Variants in AMZ1 observed in about 807,000 individuals in gnomAD.
The protein encoded by AMZ1 is archaelysin family metallopeptidase 1, also known as archaemetzincin-1.
Under a neutral mutation model 29.9 loss-of-function variants are expected in AMZ1, and 39 were observed. That is an observed-to-expected ratio of 1.30 (90% CI 1.01 to 1.70). The LOEUF (loss-of-function observed/expected upper bound fraction) is 1.70. Ranked by LOEUF, AMZ1 falls within the 40% of genes most tolerant of loss-of-function variation. AMZ1 has a pLI of 0.00. For missense variants in AMZ1, 1,041 were observed against 680.6 expected (o/e 1.53, Z -5.89); for synonymous variants, 458 against 304.0 (o/e 1.51, Z -5.27).
intron 1 of AMZ1, among the ~76,000 whole-genome samples, chr7:2,690,727 C>T (rs1053779615): frequency 6.6e-6 from 1 of 152,144 alleles, no homozygotes; most frequent in Non-Finnish European, 1.5e-5. Context: ...TCGCTGTGGC[C>T]CTTCCTGTTG....
intron 4 of AMZ1, among the ~76,000 whole-genome samples, chr7:2,741,151 G>C (rs147669894): frequency 7.9e-4 from 121 of 152,326 alleles, no homozygotes; most frequent in Non-Finnish European, 1.4e-3. Context: ...GAGCTAGAAA[G>C]AAATTTTACA....
chr7:2,743,890 A>C (rs1790632264), intron 4 of AMZ1, among the ~76,000 whole-genome samples: 1 of 151,810 alleles, frequency 6.6e-6, no homozygotes, highest in Non-Finnish European at 1.5e-5. Context: ...CCTGGCTCGG[A>C]GGGTCCTACA....
chr7:2,708,720 A>G lies in AMZ1; in HGVS notation c.601+4A>G. 2 of 1,612,344 alleles carry G rather than the reference A, an allele frequency of 1.2e-6. No homozygotes were observed. The highest frequency in any genetic ancestry group is 1.1e-5 in the South Asian group (1 of 91,054). On this transcript the variant is annotated splice_donor_region_variant and intron_variant, in intron 4 of 6. Coordinates refer to ENST00000683327, the MANE Select transcript of AMZ1 (RefSeq NM_001384743.1). ...AGCAAGTTCCTTCCAGGGCACGGTG[A>G]GCCGGGGCCCCAGCAGCTGTGCGTG...
chr7:2,684,575 C>G (rs1247128787), upstream of AMZ1, among the ~76,000 whole-genome samples: 2 of 152,220 alleles, frequency 1.3e-5, no homozygotes, highest in East Asian at 3.8e-4. Context: ...ATCACGGCCT[C>G]TTTCTAGAAT....
At chr7:2,744,014 C>T (rs1159255435) in intron 4 of AMZ1, among the ~76,000 whole-genome samples, 1 of 152,244 alleles carries the variant, frequency 6.6e-6, no homozygotes, top group African/African-American at 2.4e-5. Flanking sequence ...GTAAACAAAG[C>T]AGCCGGGAAG....
Position 2,708,841 on chromosome 7 carries a change from G to A in AMZ1, c.601+125G>A. The A allele has an allele frequency of 3.4e-6, 5 of 1,468,074 alleles. No homozygotes were observed. The East Asian group carries it at 9.2e-5, about 27-fold the overall frequency. The allele number at this position is 1,468,074 out of a possible 1,614,324, so 90.9% of individuals were successfully genotyped here. A position where few individuals can be genotyped will look rare whatever the true frequency, so the allele number is the denominator to read the frequency against. ...CCTCCTGGTGGAAGTCAACACCTGT[G>A]CATGGGAATAGATGGCCCCTTCCAG... On this transcript the variant is annotated intron_variant, in intron 4 of 6. Transcript: ENST00000683327.
intron 4 of AMZ1, among the ~76,000 whole-genome samples, chr7:2,751,087 C>A (rs532455328): frequency 6.6e-6 from 1 of 152,140 alleles, no homozygotes; most frequent in African/African-American, 2.4e-5. Context: ...AAATCTGTTG[C>A]TTTACATGCT....
At chr7:2,704,476 CG>C (rs1380274037) in intron 3 of AMZ1, among the ~76,000 whole-genome samples, 5 of 85,316 alleles carry the variant, frequency 5.9e-5, no homozygotes, top group Admixed American at 1.1e-4. Flanking sequence ...GAACAAGACC[CG>C]ATCATTAAAA....
intron 4 of AMZ1, among the ~76,000 whole-genome samples, chr7:2,725,059 G>T (rs1044915540): frequency 1.3e-5 from 2 of 152,230 alleles, no homozygotes; most frequent in Non-Finnish European, 2.9e-5. Context: ...CCAGGACGGG[G>T]TATCTGGAAC....
intron 6 of AMZ1, 119 bp downstream of exon 6, chr7:2,709,935 T>A: frequency 7.3e-7 from 1 of 1,376,864 alleles, no homozygotes; most frequent in Non-Finnish European, 1.0e-6. Flanking sequence ...ACTGCCGGGT[T>A]CCAGGCAGTG....
chr7:2,700,807 T>A (rs1788012120), intron 2 of AMZ1, 52 bp downstream of exon 2: 1 of 1,577,886 alleles, frequency 6.3e-7, no homozygotes, highest in African/African-American at 1.3e-5. Context: ...AGCTTATATA[T>A]AGCACAAGTG....
At chr7:2,690,345 A>G (rs1484266750) in intron 1 of AMZ1, among the ~76,000 whole-genome samples, 3 of 152,188 alleles carry the variant, frequency 2.0e-5, no homozygotes, top group African/African-American at 7.2e-5. Context: ...CAGCCTCCCT[A>G]GTAGCTGGGA....
At chr7:2,722,604 G>C (rs1789469362), downstream of AMZ1, among the ~76,000 whole-genome samples, 1 of 152,240 alleles carries the variant, frequency 6.6e-6, no homozygotes, top group Non-Finnish European at 1.5e-5. Context: ...CAATTTGCCT[G>C]ACAGGTCAAA....
At position 2,719,672 on chromosome 7, in the gene AMZ1, T is replaced by TATC. The variant is rs1305124981; in HGVS notation, c.*6796_*6798dup. Among the ~76,000 whole-genome samples, 1 of 133,312 alleles carries TATC rather than the reference T, an allele frequency of 7.5e-6. No individual in the cohort carries two copies. The highest frequency in any genetic ancestry group is 1.6e-5 in the Non-Finnish European group (1 of 63,092). The allele number at this position is 133,312 out of a possible 152,430, so 87.5% of individuals were successfully genotyped here. A position where few individuals can be genotyped will look rare whatever the true frequency, so the allele number is the denominator to read the frequency against. On this transcript the variant is annotated 3_prime_UTR_variant, in exon 7 of 7. Coordinates refer to ENST00000683327, the MANE Select transcript of AMZ1 (RefSeq NM_001384743.1). Reference sequence around the variant, plus strand: ...TTTCATTCTCAAAATTAATAAATGCTATCAACCCCAATTTTTTTTTTTTTT... The same window carrying TATC: ...TTTCATTCTCAAAATTAATAAATGCTATCATCAACCCCAATTTTTTTTTTTTTT...
chr7:2,708,518 C>G, intron 3 of AMZ1, 70 bp from the exon 4 acceptor site: 3 of 1,594,236 alleles, frequency 1.9e-6, no homozygotes, highest in South Asian at 1.1e-5. Flanking sequence ...TGACGGGGTG[C>G]CAGCCTGAGC....
At chr7:2,735,010 G>A in intron 4 of AMZ1, among the ~76,000 whole-genome samples, 1 of 152,174 alleles carries the variant, frequency 6.6e-6, no homozygotes, top group Non-Finnish European at 1.5e-5. Flanking sequence ...CGGTGGGGCA[G>A]CCGCCTTCCC....
intron 4 of AMZ1, among the ~76,000 whole-genome samples, chr7:2,757,172 G>C (rs1045448766): frequency 8.7e-6 from 1 of 114,930 alleles, no homozygotes; most frequent in African/African-American, 3.4e-5. Context: ...GTCTTGCTCT[G>C]TCACCCAGGC....
At chr7:2,720,367 G>A (rs1181566903), downstream of AMZ1, among the ~76,000 whole-genome samples, 4 of 152,208 alleles carry the variant, frequency 2.6e-5, no homozygotes, top group Admixed American at 6.5e-5. Context: ...AAAAGAGAAA[G>A]ACTAGTGTGT....
chr7:2,751,384 G>A (rs551261332), intron 4 of AMZ1, among the ~76,000 whole-genome samples: 3 of 132,430 alleles, frequency 2.3e-5, no homozygotes, highest in Admixed American at 8.2e-5. Context: ...GAGCAAGACC[G>A]TTTCAAAGAA....
Sources: gnomAD v4.1 joint callset for allele counts (sites outside exome capture counted in the v4.1 genomes callset) on GRCh38, gnomAD v4.1.1 for gene constraint, MANE v1.5 for transcripts, NCBI Gene and HGNC (gene_info 2026-07-23, HGNC 2026-07-21) for gene names.